Variants in ZNF536 observed in about 807,000 individuals in gnomAD.
ZNF536 encodes the protein zinc finger protein 536.
ZNF536 carries 13 observed loss-of-function variants against 84.5 expected under a neutral mutation model. That is an observed-to-expected ratio of 0.15 (90% CI 0.10 to 0.24). The LOEUF is 0.24. Among genes scored for constraint, ZNF536 ranks in the 10% least tolerant of loss-of-function variants. The pLI is 1.00. For missense variants in ZNF536, 1,536 were observed against 1,747.5 expected, an observed-to-expected ratio of 0.88 and a Z score of 2.16; for synonymous variants, 811 against 742.5, an observed-to-expected ratio of 1.09 and a Z score of -1.50.
upstream of ZNF536, among the ~76,000 whole-genome samples, chr19:30,367,720 A>G (rs553769552): frequency 1.3e-5 from 2 of 152,298 alleles, no homozygotes; most frequent in South Asian, 2.1e-4. Context: ...GCAGTGAGAC[A>G]TGAGAGTCTG....
chr19:30,618,988 T>C (rs2048392521), intron 1 of ZNF536, among the ~76,000 whole-genome samples: 1 of 152,190 alleles, frequency 6.6e-6, no homozygotes, highest in African/African-American at 2.4e-5. Context: ...TTTAAGGATG[T>C]ATACATTTAC....
intron 2 of ZNF536, among the ~76,000 whole-genome samples, chr19:30,306,591 CTT>C (rs1187860423): frequency 2.6e-5 from 4 of 152,194 alleles, no homozygotes; most frequent in Non-Finnish European, 5.9e-5. Flanking sequence ...TCACCTGCGA[CTT>C]TGATTTGGAA....
intron 2 of ZNF536, among the ~76,000 whole-genome samples, chr19:30,525,669 A>G (rs2044544243): frequency 1.3e-5 from 2 of 152,196 alleles, no homozygotes; most frequent in South Asian, 4.1e-4. Flanking sequence ...GTGCGATCAG[A>G]GACAATCTCT....
At chr19:30,414,892 T>C (rs1432921995) in intron 1 of ZNF536, among the ~76,000 whole-genome samples, 1 of 152,236 alleles carries the variant, frequency 6.6e-6, no homozygotes, top group Non-Finnish European at 1.5e-5. Flanking sequence ...AGGTTTAAAA[T>C]AACTTCCCCC....
At chr19:30,345,053 G>T (rs137887221) in intron 2 of ZNF536, among the ~76,000 whole-genome samples, 1 of 152,186 alleles carries the variant, frequency 6.6e-6, no homozygotes, top group Non-Finnish European at 1.5e-5. Flanking sequence ...CTCGGTACCA[G>T]GCATATTATT....
chr19:30,394,497 G>A (rs1310476973), intron 1 of ZNF536, among the ~76,000 whole-genome samples: 2 of 152,114 alleles, frequency 1.3e-5, no homozygotes, highest in Non-Finnish European at 2.9e-5. Context: ...GTAGGACTGG[G>A]CCAGGTGCAT....
chr19:30,298,737 T>A (rs1340985975), intron 2 of ZNF536, among the ~76,000 whole-genome samples: 3 of 152,238 alleles, frequency 2.0e-5, no homozygotes, highest in Non-Finnish European at 4.4e-5. Flanking sequence ...TCTTCGTTTC[T>A]CCCAGTCTCC....
At chr19:30,516,530 A>G (rs907042059) in intron 2 of ZNF536, among the ~76,000 whole-genome samples, 2 of 152,204 alleles carry the variant, frequency 1.3e-5, no homozygotes, top group African/African-American at 2.4e-5. Flanking sequence ...AAGAAGCCCT[A>G]TGAAGAAAGC....
intron 1 of ZNF536, among the ~76,000 whole-genome samples, chr19:30,589,277 T>A (rs2047199609): frequency 6.6e-6 from 1 of 152,198 alleles, no homozygotes; most frequent in Non-Finnish European, 1.5e-5. Flanking sequence ...GAGGTCCCTC[T>A]GATTCCAGGA....
chr19:30,697,541 A>G lies in ZNF536; in HGVS notation c.170-13216A>G, dbSNP rs140770317. ...CTCATTGAATCCTCACAGCAATCCT[A>G]TTAGGGAGCTATTATTATTATTGCA... On this transcript the variant is annotated intron_variant, in intron 1 of 1. Transcript: ENST00000592773. Among the ~76,000 whole-genome samples, 299 of 152,294 alleles carry G rather than the reference A, an allele frequency of 2.0e-3. 2 individuals carry two copies. Among genetic ancestry groups the G allele is most frequent in the African/African-American group, 6.9e-3 (286 of 41,544 alleles).
At chr19:30,477,456 A>G (rs1055583840) in intron 2 of ZNF536, among the ~76,000 whole-genome samples, 2 of 152,206 alleles carry the variant, frequency 1.3e-5, no homozygotes, top group Non-Finnish European at 2.9e-5. Context: ...CATGCATTTT[A>G]TGAAACAGCA....
intron 1 of ZNF536, among the ~76,000 whole-genome samples, chr19:30,595,736 G>A (rs1379640073): frequency 6.6e-6 from 1 of 152,222 alleles, no homozygotes; most frequent in Non-Finnish European, 1.5e-5. Flanking sequence ...CCATTGACTT[G>A]CATAGTTCTA....
At chr19:30,605,848 C>A (rs2047850335) in intron 1 of ZNF536, among the ~76,000 whole-genome samples, 1 of 152,160 alleles carries the variant, frequency 6.6e-6, no homozygotes. Flanking sequence ...CACAGATTCC[C>A]ATCTTCCTTC....
chr19:30,271,605 C>A (rs932461568), intron 1 of ZNF536, among the ~76,000 whole-genome samples: 1 of 152,178 alleles, frequency 6.6e-6, no homozygotes, highest in African/African-American at 2.4e-5. Context: ...TCCTAGCAGC[C>A]TCCACGTTCC....
chr19:30,619,276 C>G (rs1295950995), intron 1 of ZNF536, among the ~76,000 whole-genome samples: 1 of 151,958 alleles, frequency 6.6e-6, no homozygotes, highest in African/African-American at 2.4e-5. Context: ...ATGGGCAATG[C>G]CTTCTCCTAT....
intron 2 of ZNF536, among the ~76,000 whole-genome samples, chr19:30,325,015 G>A (rs8110091): frequency 0.21 from 31,596 of 152,144 alleles, 4,306 homozygotes; most frequent in East Asian, 0.43. Context: ...GGGTGTGAGT[G>A]CTCTTGTTCT....
At chr19:30,332,523 T>C (rs2047246008) in intron 2 of ZNF536, among the ~76,000 whole-genome samples, 1 of 152,190 alleles carries the variant, frequency 6.6e-6, no homozygotes, top group East Asian at 1.9e-4. Context: ...CTTGTTCTCC[T>C]CTGCCAGGCC....
At chr19:30,389,866 T>A (rs534083196) in intron 1 of ZNF536, among the ~76,000 whole-genome samples, 1 of 152,352 alleles carries the variant, frequency 6.6e-6, no homozygotes, top group South Asian at 2.1e-4. Flanking sequence ...GCAGTGACAT[T>A]TTCCAACTTG....
At chr19:30,231,105 G>A (rs2023004717) in intron 1 of ZNF536, among the ~76,000 whole-genome samples, 1 of 152,062 alleles carries the variant, frequency 6.6e-6, no homozygotes, top group East Asian at 1.9e-4. Context: ...TTTTAAGTAA[G>A]CTGAAATATC....
Sources: allele counts gnomAD v4.1 joint callset (sites outside exome capture counted in the v4.1 genomes callset), GRCh38; gene constraint gnomAD v4.1.1; transcripts MANE v1.5; gene names NCBI Gene and HGNC (gene_info 2026-07-23, HGNC 2026-07-21).